The following NKAIN2 variants were observed in gnomAD, a reference collection of about 807,000 sequenced individuals.
NKAIN2 encodes sodium/potassium-transporting ATPase subunit beta-1-interacting protein 2.
Under a neutral mutation model 32.6 loss-of-function variants are expected in NKAIN2, and 14 were observed. That is an observed-to-expected ratio of 0.43 (90% CI 0.28 to 0.67). The LOEUF (loss-of-function observed/expected upper bound fraction) is 0.67, where lower values mean the gene tolerates loss of function less well. Ranked by LOEUF, NKAIN2 falls within the 30% of genes least tolerant of loss-of-function variation. NKAIN2 has a pLI of 0.17. For synonymous variants in NKAIN2, 80 were observed against 87.2 expected, an observed-to-expected ratio of 0.92 and a Z score of 0.46; for missense variants, 198 against 258.3, an observed-to-expected ratio of 0.77 and a Z score of 1.60.
At chr6:124,307,139 T>C (rs1796540136) in intron 2 of NKAIN2, among the ~76,000 whole-genome samples, 1 of 152,048 alleles carries the variant, frequency 6.6e-6, no homozygotes, top group African/African-American at 2.4e-5. Flanking sequence ...TTAGTATATA[T>C]CATAGTCAAT....
At chr6:123,946,195 T>C (rs1777056570) in intron 1 of NKAIN2, among the ~76,000 whole-genome samples, 1 of 152,146 alleles carries the variant, frequency 6.6e-6, no homozygotes, top group African/African-American at 2.4e-5. Flanking sequence ...GTATTTATCT[T>C]AAAATTAAAA....
intron 2 of NKAIN2, among the ~76,000 whole-genome samples, chr6:124,354,297 G>A (rs1307836421): frequency 1.3e-5 from 2 of 152,064 alleles, no homozygotes; most frequent in Non-Finnish European, 2.9e-5. Context: ...GAGTTCAGGA[G>A]GAATTCATCA....
intron 4 of NKAIN2, among the ~76,000 whole-genome samples, chr6:124,779,755 A>G (rs1406573941): frequency 2.0e-5 from 3 of 152,132 alleles, no homozygotes; most frequent in Admixed American, 6.5e-5. Flanking sequence ...CCACCTAACA[A>G]TAAGCCAAGC....
chr6:123,977,267 T>C (rs1016348111), intron 1 of NKAIN2, among the ~76,000 whole-genome samples: 2 of 152,140 alleles, frequency 1.3e-5, no homozygotes, highest in Admixed American at 1.3e-4. Context: ...GATTTAAAAA[T>C]TTAAAAGGTG....
intron 1 of NKAIN2, among the ~76,000 whole-genome samples, chr6:124,136,116 T>C (rs1404615819): frequency 9.9e-5 from 15 of 151,918 alleles, no homozygotes; most frequent in Non-Finnish European, 1.0e-4. Context: ...ATAAATACGA[T>C]TGATAAACCA....
Position 124,145,793 on chromosome 6 carries a change from C to A in NKAIN2, c.55-137212C>A, listed in dbSNP as rs75823381. ...GTGCTGGGATTACCGGCGTGGACCA[C>A]CAAGCCTGGCCTGACAAACTTTTAG... is the stretch of plus-strand genomic sequence containing the variant. On this transcript the variant is annotated intron_variant, in intron 1 of 6. Transcript: ENST00000368417. 3.9e-5 allele frequency among the ~76,000 whole-genome samples: 6 copies of A among 152,196 alleles called. No homozygotes were observed. In the East Asian group the frequency reaches 1.2e-3, roughly 29 times the overall value.
At chr6:124,428,756 C>T (rs1214714287) in intron 3 of NKAIN2, among the ~76,000 whole-genome samples, 2 of 152,070 alleles carry the variant, frequency 1.3e-5, no homozygotes, top group Non-Finnish European at 2.9e-5. Flanking sequence ...GATTTTGTAA[C>T]TTGATTCTCT....
chr6:123,871,156 A>T (rs941815694), intron 1 of NKAIN2, among the ~76,000 whole-genome samples: 1 of 152,114 alleles, frequency 6.6e-6, no homozygotes, highest in Non-Finnish European at 1.5e-5. Flanking sequence ...ATTATGTCAT[A>T]CTTTTTGTTA....
chr6:124,345,638 T>G (rs1461124080), intron 2 of NKAIN2, among the ~76,000 whole-genome samples: 1 of 151,916 alleles, frequency 6.6e-6, no homozygotes, highest in Non-Finnish European at 1.5e-5. Flanking sequence ...GTTTGTAGTA[T>G]TCTCTGATGG....
At chr6:124,408,556 A>T (rs1583203238) in intron 3 of NKAIN2, among the ~76,000 whole-genome samples, 1 of 152,044 alleles carries the variant, frequency 6.6e-6, no homozygotes, top group African/African-American at 2.4e-5. Context: ...ATTGATCTAT[A>T]TGTCTGTTTT....
intron 3 of NKAIN2, among the ~76,000 whole-genome samples, chr6:124,404,315 G>A (rs1357966942): frequency 6.6e-6 from 1 of 152,102 alleles, no homozygotes; most frequent in Non-Finnish European, 1.5e-5. Flanking sequence ...AAGAGAGAGG[G>A]TTCACCAGGG....
At chr6:124,738,199 C>G (rs1777042219) in intron 4 of NKAIN2, among the ~76,000 whole-genome samples, 1 of 151,798 alleles carries the variant, frequency 6.6e-6, no homozygotes, top group African/African-American at 2.4e-5. Flanking sequence ...TTGAACAGCA[C>G]ACTTAACTAA....
chr6:124,132,537 T>C (rs1393137101), intron 1 of NKAIN2, among the ~76,000 whole-genome samples: 1 of 152,152 alleles, frequency 6.6e-6, no homozygotes, highest in Non-Finnish European at 1.5e-5. Context: ...AGAATAACAC[T>C]GGTCCCGGGA....
chr6:124,425,671 T>G (rs1397280865), intron 3 of NKAIN2, among the ~76,000 whole-genome samples: 3 of 152,104 alleles, frequency 2.0e-5, no homozygotes, highest in African/African-American at 7.2e-5. Flanking sequence ...AAAGAAGACG[T>G]ACCTACCAAT....
intron 1 of NKAIN2, among the ~76,000 whole-genome samples, chr6:124,216,963 G>A (rs984139661): frequency 6.6e-6 from 1 of 152,016 alleles, no homozygotes; most frequent in African/African-American, 2.4e-5. Context: ...AACAAGAATT[G>A]ACTGTATATT....
chr6:124,328,589 G>T (rs118191026), intron 2 of NKAIN2, among the ~76,000 whole-genome samples: 37 of 152,286 alleles, frequency 2.4e-4, no homozygotes, highest in Middle Eastern at 6.8e-3. Context: ...TCAGGATTGA[G>T]CAGACAAAAT....
chr6:123,865,999 G>A (rs1337770412), intron 1 of NKAIN2, among the ~76,000 whole-genome samples: 3 of 152,172 alleles, frequency 2.0e-5, no homozygotes, highest in South Asian at 2.1e-4. Flanking sequence ...GATAGAAAAT[G>A]CGTCACTTCC....
rs1317040038 is a variant in NKAIN2, at chr6:124,759,649, ACACACAC to A, written c.475-31688_475-31682del. ...CACACACACACACACACACACACAC[ACACACAC>A]CCCCTATCTCCCTTTCCTGCCTTAT... is the stretch of plus-strand genomic sequence containing the variant. On this transcript the variant is annotated intron_variant, in intron 4 of 6. Transcript: ENST00000368417. Among the ~76,000 whole-genome samples, 28 of 76,862 alleles carry A rather than the reference ACACACAC, an allele frequency of 3.6e-4. 3 individuals are homozygous for A. Among genetic ancestry groups the A allele is most frequent in the South Asian group, 2.3e-3 (5 of 2,174 alleles). The allele number at this position is 76,862 out of a possible 152,430, so 50.4% of individuals were successfully genotyped here.
intron 4 of NKAIN2, among the ~76,000 whole-genome samples, chr6:124,682,402 C>A (rs1773666036): frequency 6.6e-6 from 1 of 152,112 alleles, no homozygotes; most frequent in African/African-American, 2.4e-5. Flanking sequence ...TTAAAACATT[C>A]ATATTCTGTA....
Sources: gnomAD v4.1 joint callset for allele counts (sites outside exome capture counted in the v4.1 genomes callset) on GRCh38, gnomAD v4.1.1 for gene constraint, MANE v1.5 for transcripts, NCBI Gene and HGNC (gene_info 2026-07-23, HGNC 2026-07-21) for gene names.